The following EPHA7 variants were observed in gnomAD, a reference collection of about 807,000 sequenced individuals.
EPHA7 encodes the protein EPH receptor A7, also known as ephrin type-A receptor 7.
In EPHA7, 25 loss-of-function variants were observed where a neutral mutation model predicts 112.6. The observed-to-expected ratio is 0.22, with a 90% confidence interval of 0.16 to 0.31. The LOEUF (loss-of-function observed/expected upper bound fraction) is 0.31. Among genes scored for constraint, EPHA7 ranks in the 10% least tolerant of loss-of-function variants. EPHA7 has a pLI of 1.00. For synonymous variants in EPHA7, 437 were observed against 406.5 expected, an observed-to-expected ratio of 1.07 and a Z score of -0.90; for missense variants, 962 against 1,212.6, an observed-to-expected ratio of 0.79 and a Z score of 3.07.
intron 5 of EPHA7, among the ~76,000 whole-genome samples, chr6:93,286,829 C>A (rs967577920): frequency 4.6e-5 from 7 of 152,074 alleles, no homozygotes; most frequent in African/African-American, 1.7e-4. Flanking sequence ...TGTGGAGACC[C>A]TGAACAGGGC....
At chr6:93,316,280 A>AT (rs780383679) in intron 5 of EPHA7, among the ~76,000 whole-genome samples, 1 of 152,176 alleles carries the variant, frequency 6.6e-6, no homozygotes, top group Non-Finnish European at 1.5e-5. Context: ...AATAATTGCA[A>AT]TAACACCCCC....
intron 3 of EPHA7, among the ~76,000 whole-genome samples, chr6:93,406,402 G>A (rs1039137828): frequency 1.3e-5 from 2 of 151,570 alleles, no homozygotes; most frequent in African/African-American, 4.8e-5. Flanking sequence ...ATTATCCCAG[G>A]CATATCGGGC....
intron 4 of EPHA7, among the ~76,000 whole-genome samples, chr6:93,357,856 G>C (rs1776034418): frequency 6.6e-6 from 1 of 152,048 alleles, no homozygotes; most frequent in Non-Finnish European, 1.5e-5. Context: ...GTTTCACCAT[G>C]TTGGCCAGGC....
intron 1 of EPHA7, among the ~76,000 whole-genome samples, chr6:93,417,634 C>T (rs1210868356): frequency 6.6e-6 from 1 of 152,116 alleles, no homozygotes; most frequent in Non-Finnish European, 1.5e-5. Flanking sequence ...GGGGTTTCGC[C>T]GCGGCGGTGC....
chr6:93,295,899 T>C (rs1772637120), intron 5 of EPHA7, among the ~76,000 whole-genome samples: 1 of 151,874 alleles, frequency 6.6e-6, no homozygotes, highest in Non-Finnish European at 1.5e-5. Context: ...ATTTTAGCTA[T>C]TCTTAGCCAT....
At chr6:93,324,227 T>C (rs1774210031) in intron 5 of EPHA7, among the ~76,000 whole-genome samples, 1 of 151,528 alleles carries the variant, frequency 6.6e-6, no homozygotes, top group Middle Eastern at 3.4e-3. Flanking sequence ...AACATATGAG[T>C]ATATTAACTA....
At chr6:93,312,028 T>C (rs895314423) in intron 5 of EPHA7, among the ~76,000 whole-genome samples, 1 of 152,168 alleles carries the variant, frequency 6.6e-6, no homozygotes, top group Non-Finnish European at 1.5e-5. Context: ...TGTAAACATA[T>C]GTGCTGTTAT....
rs1276690888 is a variant in EPHA7, at chr6:93,243,286, T to C, written c.*140A>G. On this transcript the variant is annotated 3_prime_UTR_variant, in exon 17 of 17. Transcript: ENST00000369303. ...GGTGGCACTTAGGAGTTCAAGTCTA[T>C]AGGTGCTTCTTAAATCTTCTCTTCA... 2 of 565,900 alleles carry C rather than the reference T, an allele frequency of 3.5e-6. No individual in the cohort carries two copies. Among genetic ancestry groups the C allele is most frequent in the Non-Finnish European group, 6.2e-6 (2 of 323,764 alleles). The allele number at this position is 565,900 out of a possible 1,614,324, so 35.1% of individuals were successfully genotyped here. A position where few individuals can be genotyped will look rare whatever the true frequency, so the allele number is the denominator to read the frequency against.
At chr6:93,398,482 T>C (rs1029144999) in intron 3 of EPHA7, among the ~76,000 whole-genome samples, 1 of 152,072 alleles carries the variant, frequency 6.6e-6, no homozygotes, top group African/African-American at 2.4e-5. Context: ...ATTTTTATTT[T>C]GAAATTACTA....
intron 5 of EPHA7, among the ~76,000 whole-genome samples, chr6:93,325,349 A>T (rs1043624115): frequency 1.3e-5 from 2 of 151,314 alleles, no homozygotes; most frequent in African/African-American, 4.8e-5. Context: ...CCTTCTAAAA[A>T]GATATATGCC....
Position 93,353,597 on chromosome 6 carries a change from A to G in EPHA7, c.1324+3120T>C, listed in dbSNP as rs922741859. ...TGCCTTGACAGGTTCCCAAAGAGTTACATAAAAAGAGGACTAATTGGCATT... is the reference window on the plus strand; with the variant it reads ...TGCCTTGACAGGTTCCCAAAGAGTTGCATAAAAAGAGGACTAATTGGCATT... On this transcript the variant is annotated intron_variant, in intron 5 of 16. Coordinates refer to ENST00000369303, the MANE Select transcript of EPHA7 (RefSeq NM_004440.4). Among the ~76,000 whole-genome samples the G allele has an allele frequency of 3.9e-5, 6 of 152,184 alleles. No individual in the cohort carries two copies. The South Asian group carries it at 1.2e-3, about 32-fold the overall frequency.
intron 14 of EPHA7, among the ~76,000 whole-genome samples, chr6:93,253,531 A>AT (rs1158819197): frequency 6.6e-6 from 1 of 151,978 alleles, no homozygotes; most frequent in Non-Finnish European, 1.5e-5. Context: ...AACACTACTT[A>AT]TTTTTTTGAC....
chr6:93,384,296 C>T (rs1777491528), intron 3 of EPHA7, among the ~76,000 whole-genome samples: 1 of 152,032 alleles, frequency 6.6e-6, no homozygotes, highest in Non-Finnish European at 1.5e-5. Context: ...AGAGTCTTTG[C>T]CTAAAATTTT....
At chr6:93,387,288 A>C (rs866169030) in intron 3 of EPHA7, among the ~76,000 whole-genome samples, 2 of 152,142 alleles carry the variant, frequency 1.3e-5, no homozygotes, top group Non-Finnish European at 1.5e-5. Context: ...GCTACAGCAT[A>C]GCAAAAGTCA....
At chr6:93,333,737 AGACAGGTGAAAGATCT>A (rs1231625438) in intron 5 of EPHA7, among the ~76,000 whole-genome samples, 1 of 151,900 alleles carries the variant, frequency 6.6e-6, no homozygotes, top group Non-Finnish European at 1.5e-5. Flanking sequence ...ACTGCAAACT[AGACAGGTGAAAGATCT>A]GTACAATGAG....
At chr6:93,314,800 T>C (rs2127871806) in intron 5 of EPHA7, among the ~76,000 whole-genome samples, 1 of 151,882 alleles carries the variant, frequency 6.6e-6, no homozygotes, top group East Asian at 1.9e-4. Context: ...GTTAAGTCAC[T>C]ATGATATTTA....
intron 3 of EPHA7, among the ~76,000 whole-genome samples, chr6:93,387,215 T>G (rs957819761): frequency 6.6e-6 from 1 of 151,998 alleles, no homozygotes; most frequent in African/African-American, 2.4e-5. Context: ...CCCTAAATCA[T>G]CTCTCCCAAG....
rs1189377319 is a variant in EPHA7, at chr6:93,291,484, C to T, written c.1325-19062G>A. Among the ~76,000 whole-genome samples, 5 of 152,188 alleles carry T rather than the reference C, an allele frequency of 3.3e-5. No individual in the cohort carries two copies. The East Asian group carries it at 9.7e-4, about 29-fold the overall frequency. ...TAAACAACAGATAAAAAATACTTTT[C>T]TGGGCCGGGCGCGGTGGCTCACGCC... On this transcript the variant is annotated intron_variant, in intron 5 of 16. Transcript: ENST00000369303.
intron 3 of EPHA7, among the ~76,000 whole-genome samples, chr6:93,388,362 T>C (rs1777734688): frequency 6.6e-6 from 1 of 152,140 alleles, no homozygotes; most frequent in Non-Finnish European, 1.5e-5. Flanking sequence ...CCTATTATTA[T>C]CAATATTACC....
Sources: gnomAD v4.1 joint callset for allele counts (sites outside exome capture counted in the v4.1 genomes callset) on GRCh38, gnomAD v4.1.1 for gene constraint, MANE v1.5 for transcripts, NCBI Gene and HGNC (gene_info 2026-07-23, HGNC 2026-07-21) for gene names.